The following MIB1 variants were observed in gnomAD, a reference collection of about 807,000 sequenced individuals.
The protein encoded by MIB1 is E3 ubiquitin-protein ligase MIB1.
In MIB1, 278 loss-of-function variants were observed where a neutral mutation model predicts 124.5. The ratio of observed to expected loss-of-function variants is 2.23; its 90% CI spans 2.02 to 2.47. The LOEUF (loss-of-function observed/expected upper bound fraction) is 2.47. MIB1 is among the 30% of genes most tolerant of loss of function. The pLI, the probability that MIB1 is intolerant of heterozygous loss-of-function variation, is 0.00. For missense variants in MIB1, 957 were observed against 1,254.4 expected (o/e 0.76, Z 3.58); for synonymous variants, 446 against 429.4 (o/e 1.04, Z -0.48).
At chr18:21,756,486 A>G (rs1428880433) in intron 1 of MIB1, among the ~76,000 whole-genome samples, 1 of 151,446 alleles carries the variant, frequency 6.6e-6, no homozygotes, top group East Asian at 1.9e-4. Flanking sequence ...TTTTTTTGAG[A>G]TGAAATCTTG....
chr18:21,755,064 G>T (rs1259922270), intron 1 of MIB1, among the ~76,000 whole-genome samples: 1 of 150,228 alleles, frequency 6.7e-6, no homozygotes, highest in African/African-American at 2.5e-5. Flanking sequence ...CCTTCTTTAA[G>T]TCATTTTTTT....
In MIB1 at chr18:21,867,618, TGGAAGCA is replaced by T. The variant is rs2042329647; in HGVS notation, c.*2953_*2959del. 6.6e-6 allele frequency: 1 copy of T among 152,600 alleles called. No homozygotes were observed. Among genetic ancestry groups the T allele is most frequent in the South Asian group, 2.1e-4 (1 of 4,830 alleles). 9.5% of individuals were successfully genotyped at this position (152,600 alleles called of 1,614,324 possible). A position where few individuals can be genotyped will look rare whatever the true frequency, so the allele number is the denominator to read the frequency against. Reference sequence around the variant, plus strand: ...ACATTGCAAATTGACCAGCTAGCTATGGAAGCATAAAATTAATTGATAATTAATGTTG... The same window carrying T: ...ACATTGCAAATTGACCAGCTAGCTATTAAAATTAATTGATAATTAATGTTG... On this transcript the variant is annotated 3_prime_UTR_variant, in exon 21 of 21. Transcript: ENST00000261537.
chr18:21,816,308 A>T (rs950640436), intron 11 of MIB1, among the ~76,000 whole-genome samples: 1 of 152,198 alleles, frequency 6.6e-6, no homozygotes, highest in Non-Finnish European at 1.5e-5. Context: ...TGATTGCCTA[A>T]GAAATGATTA....
At chr18:21,764,701 TC>T (rs1278572506) in intron 1 of MIB1, among the ~76,000 whole-genome samples, 5 of 150,296 alleles carry the variant, frequency 3.3e-5, no homozygotes, top group African/African-American at 9.8e-5. Context: ...CCACTTTACT[TC>T]CCCTCTGCCT....
chr18:21,730,175 G>C (rs2040761996), intron 1 of MIB1, among the ~76,000 whole-genome samples: 3 of 152,168 alleles, frequency 2.0e-5, no homozygotes, highest in Admixed American at 1.3e-4. Flanking sequence ...AGTCATCAGT[G>C]TCTTCTTTGT....
intron 16 of MIB1, among the ~76,000 whole-genome samples, chr18:21,847,940 G>T (rs1450712482): frequency 6.6e-6 from 1 of 152,128 alleles, no homozygotes. Context: ...TCTGAACAGT[G>T]CTGTGCAACT....
chr18:21,729,488 T>C (rs777081120), intron 1 of MIB1, among the ~76,000 whole-genome samples: 1 of 152,026 alleles, frequency 6.6e-6, no homozygotes, highest in Non-Finnish European at 1.5e-5. Flanking sequence ...GCCTCTCTTA[T>C]TATGATAATT....
At chr18:21,849,818 G>C (rs1043921329) in intron 17 of MIB1, among the ~76,000 whole-genome samples, 1 of 151,956 alleles carries the variant, frequency 6.6e-6, no homozygotes, top group African/African-American at 2.4e-5. Context: ...AAACTGTTTT[G>C]CATTCATGTT....
At chr18:21,814,209 A>T (rs1380363081) in intron 10 of MIB1, among the ~76,000 whole-genome samples, 1 of 152,146 alleles carries the variant, frequency 6.6e-6, no homozygotes, top group African/African-American at 2.4e-5. Flanking sequence ...AATTTTTGAT[A>T]TATGGAATTT....
At chr18:21,849,418 A>AT (rs1192432430) in intron 17 of MIB1, 30 bp downstream of exon 17, 2 of 1,337,100 alleles carry the variant, frequency 1.5e-6, no homozygotes, top group Non-Finnish European at 2.0e-6. Context: ...GTATTTTGTC[A>AT]TTTTATGAAG....
At chr18:21,844,050 G>A in intron 14 of MIB1, 42 bp from the exon 15 acceptor site, 1 of 1,605,196 alleles carries the variant, frequency 6.2e-7, no homozygotes, top group Non-Finnish European at 8.5e-7. Context: ...GTTTCTTATG[G>A]ATGTGGACAC....
At chr18:21,717,771 C>T (rs1003574827) in intron 1 of MIB1, among the ~76,000 whole-genome samples, 3 of 152,232 alleles carry the variant, frequency 2.0e-5, no homozygotes, top group Non-Finnish European at 2.9e-5. Flanking sequence ...ATGTGGTGAA[C>T]GAAGAACACT....
chr18:21,799,530 G>A (rs2041626136), intron 8 of MIB1, among the ~76,000 whole-genome samples: 1 of 151,958 alleles, frequency 6.6e-6, no homozygotes. Context: ...GTACTCCCAT[G>A]GTAGTGTGTT....
At chr18:21,816,307 A>G (rs1025647793) in intron 11 of MIB1, among the ~76,000 whole-genome samples, 4 of 152,210 alleles carry the variant, frequency 2.6e-5, no homozygotes. Context: ...ATGATTGCCT[A>G]AGAAATGATT....
intron 10 of MIB1, among the ~76,000 whole-genome samples, chr18:21,805,352 A>G (rs1238440953): frequency 8.5e-5 from 13 of 152,164 alleles, no homozygotes; most frequent in African/African-American, 3.1e-4. Flanking sequence ...TCTATGAACT[A>G]TACAATAGTT....
intron 15 of MIB1, among the ~76,000 whole-genome samples, chr18:21,845,484 TA>T (rs1257278422): frequency 6.6e-6 from 1 of 152,232 alleles, no homozygotes; most frequent in South Asian, 2.1e-4. Flanking sequence ...TAGAAGTTTA[TA>T]AAGTTTTAGC....
At chr18:21,839,596 C>T (rs919971269) in intron 13 of MIB1, among the ~76,000 whole-genome samples, 2 of 152,164 alleles carry the variant, frequency 1.3e-5, no homozygotes, top group African/African-American at 4.8e-5. Context: ...CCTTGACCTC[C>T]CAGGCTCAAG....
intron 12 of MIB1, among the ~76,000 whole-genome samples, chr18:21,834,124 G>C (rs1007968772): frequency 1.3e-5 from 2 of 152,136 alleles, no homozygotes; most frequent in African/African-American, 2.4e-5. Flanking sequence ...TGCTGTCCTT[G>C]TGGTTATAGT....
intron 12 of MIB1, chr18:21,827,522 C>A (rs2146488027): frequency 6.6e-6 from 1 of 152,014 alleles, no homozygotes; most frequent in African/African-American, 2.4e-5. Context: ...TATAGAAGAA[C>A]CTCTACTTTT....
Sources: allele counts gnomAD v4.1 joint callset (sites outside exome capture counted in the v4.1 genomes callset), GRCh38; gene constraint gnomAD v4.1.1; transcripts MANE v1.5; gene names NCBI Gene and HGNC (gene_info 2026-07-23, HGNC 2026-07-21).